LRBA: variants seen among roughly 807,000 people sequenced by gnomAD.
LRBA encodes lipopolysaccharide-responsive and beige-like anchor protein.
Under a neutral mutation model 330.0 loss-of-function variants are expected in LRBA, and 176 were observed. The ratio of observed to expected loss-of-function variants is 0.53; its 90% CI spans 0.47 to 0.60. The LOEUF (loss-of-function observed/expected upper bound fraction) is 0.60, where lower values mean the gene tolerates loss of function less well. Among genes scored for constraint, LRBA ranks in the 20% least tolerant of loss-of-function variants. The pLI is 0.00. For synonymous variants in LRBA, 1,230 were observed against 1,193.0 expected, an observed-to-expected ratio of 1.03 and a Z score of -0.64; for missense variants, 3,259 against 3,444.8, an observed-to-expected ratio of 0.95 and a Z score of 1.35.
intron 36 of LRBA, among the ~76,000 whole-genome samples, chr4:150,710,565 A>G (rs1049911831): frequency 4.6e-5 from 7 of 152,148 alleles, no homozygotes; most frequent in Non-Finnish European, 7.4e-5. Context: ...TAATTACCTT[A>G]AGATAATTTT....
chr4:150,448,595 A>T (rs1302850540), intron 44 of LRBA, among the ~76,000 whole-genome samples: 1 of 152,012 alleles, frequency 6.6e-6, no homozygotes, highest in Non-Finnish European at 1.5e-5. Context: ...GGAGGTTAGG[A>T]GTTAGAGATC....
At chr4:150,388,216 G>A (rs1743367772) in intron 47 of LRBA, among the ~76,000 whole-genome samples, 2 of 152,190 alleles carry the variant, frequency 1.3e-5, no homozygotes, top group Admixed American at 6.5e-5. Context: ...ACAGGGCTCC[G>A]CCCTTACGAC....
intron 52 of LRBA, among the ~76,000 whole-genome samples, chr4:150,309,729 G>C (rs927818665): frequency 6.6e-6 from 1 of 152,058 alleles, no homozygotes; most frequent in Non-Finnish European, 1.5e-5. Flanking sequence ...ACACATAAAA[G>C]CAATAGTCAG....
intron 40 of LRBA, among the ~76,000 whole-genome samples, chr4:150,529,581 T>G (rs924443267): frequency 3.3e-5 from 5 of 151,994 alleles, no homozygotes; most frequent in Non-Finnish European, 7.4e-5. Flanking sequence ...CTAGGCATGG[T>G]GGTGCGTGCC....
At chr4:151,011,619 GACTA>G (rs928359460) in intron 2 of LRBA, among the ~76,000 whole-genome samples, 3 of 135,982 alleles carry the variant, frequency 2.2e-5, no homozygotes, top group Non-Finnish European at 3.2e-5. Context: ...AAAAAAAAAA[GACTA>G]ACTATCAATT....
intron 13 of LRBA, 151 bp from the exon 14 acceptor site, chr4:150,900,368 C>T: frequency 2.0e-6 from 1 of 498,072 alleles, no homozygotes; most frequent in Non-Finnish European, 3.5e-6. Context: ...AACACATACT[C>T]ACTGACACAC....
intron 53 of LRBA, among the ~76,000 whole-genome samples, chr4:150,295,008 T>C (rs545107767): frequency 6.2e-4 from 95 of 152,124 alleles, no homozygotes; most frequent in African/African-American, 2.2e-3. Flanking sequence ...TTCACTCTGT[T>C]ATAAACACTC....
chr4:150,404,088 A>G (rs541896920), intron 47 of LRBA, among the ~76,000 whole-genome samples: 15 of 152,176 alleles, frequency 9.9e-5, no homozygotes, highest in Admixed American at 2.0e-4. Context: ...AATACTTACA[A>G]GGTGTAATTA....
At chr4:150,512,549 G>C (rs1030777944) in intron 40 of LRBA, among the ~76,000 whole-genome samples, 1 of 152,010 alleles carries the variant, frequency 6.6e-6, no homozygotes, top group Non-Finnish European at 1.5e-5. Context: ...GGTAAGGATA[G>C]AATCAGGAGT....
intron 40 of LRBA, among the ~76,000 whole-genome samples, chr4:150,533,560 T>G (rs1764277152): frequency 1.3e-5 from 2 of 152,190 alleles, no homozygotes; most frequent in Non-Finnish European, 2.9e-5. Flanking sequence ...AGGGCATGTG[T>G]GTCAGCTATC....
intron 47 of LRBA, among the ~76,000 whole-genome samples, chr4:150,390,962 C>A (rs1743829324): frequency 6.6e-6 from 1 of 152,148 alleles, no homozygotes. Flanking sequence ...CCTCCTTCTT[C>A]CTTTTAGCAA....
intron 47 of LRBA, among the ~76,000 whole-genome samples, chr4:150,370,304 A>G (rs1271312185): frequency 6.6e-6 from 1 of 152,212 alleles, no homozygotes; most frequent in Non-Finnish European, 1.5e-5. Flanking sequence ...TAGTAGGTGA[A>G]TGGATAAACA....
At chr4:150,893,273 T>G (rs897968382) in intron 16 of LRBA, 124 bp from the exon 17 acceptor site, 1 of 577,570 alleles carries the variant, frequency 1.7e-6, no homozygotes, top group East Asian at 2.8e-5. Flanking sequence ...TGATATATAC[T>G]TATTTTTAAC....
rs191958991 is a variant in LRBA at position 150,867,471 on chromosome 4, G to T, written c.2766+200C>A. Among the ~76,000 whole-genome samples, 141 of 152,150 alleles carry T rather than the reference G, an allele frequency of 9.3e-4. 2 individuals carry two copies. Among genetic ancestry groups the T allele is most frequent in the Non-Finnish European group, 1.6e-3 (107 of 67,988 alleles). Reference sequence around the variant, plus strand: ...ATAAGTACATGTAAAAACAACATTAGAAAAAATTATTTTGATTCTAAAGAA... The same window carrying T: ...ATAAGTACATGTAAAAACAACATTATAAAAAATTATTTTGATTCTAAAGAA... On this transcript the variant is annotated intron_variant, in intron 22 of 56. Transcript: ENST00000651943.
At chr4:150,406,696 C>A (rs545377177) in intron 47 of LRBA, among the ~76,000 whole-genome samples, 16 of 152,088 alleles carry the variant, frequency 1.1e-4, no homozygotes, top group Admixed American at 3.3e-4. Context: ...TACCCCTCAC[C>A]CCCAGGAAGA....
At position 150,842,948 on chromosome 4, in the gene LRBA, A is replaced by C. The variant is rs572624389; in HGVS notation, c.4569+1152T>G. Among the ~76,000 whole-genome samples the C allele has an allele frequency of 5.9e-5, 9 of 152,286 alleles. No homozygotes were observed. In the East Asian group the frequency reaches 1.7e-3, roughly 29 times the overall value. On this transcript the variant is annotated intron_variant, in intron 28 of 56. Transcript: ENST00000651943. ...GGGGGCATGGTTTCAGGATGATTCA[A>C]GTGCATTACATTTATAATTAGATTT...
At chr4:150,589,072 C>CACACAG (rs1222798355) in intron 39 of LRBA, among the ~76,000 whole-genome samples, 2 of 148,844 alleles carry the variant, frequency 1.3e-5, no homozygotes, top group Admixed American at 6.6e-5. Context: ...CACACACACA[C>CACACAG]AGAGAGAGAG....
At chr4:150,415,379 C>A (rs1478318521) in intron 47 of LRBA, 59 bp downstream of exon 47, 6 of 1,502,626 alleles carry the variant, frequency 4.0e-6, no homozygotes, top group Non-Finnish European at 4.6e-6. Context: ...TACACCAACA[C>A]ATGAAAGATG....
At chr4:151,014,958 C>G (rs183611938) in intron 1 of LRBA, 97 bp from the exon 2 acceptor site, 1 of 247,968 alleles carries the variant, frequency 4.0e-6, no homozygotes, top group Non-Finnish European at 7.8e-6. Context: ...AAGTAAGTTA[C>G]TAAAGGCACC....
Sources: allele counts gnomAD v4.1 joint callset (sites outside exome capture counted in the v4.1 genomes callset), GRCh38; gene constraint gnomAD v4.1.1; transcripts MANE v1.5; gene names NCBI Gene and HGNC (gene_info 2026-07-23, HGNC 2026-07-21).